The following RBFOX1 variants were observed in gnomAD, a reference collection of about 807,000 sequenced individuals.
The protein encoded by RBFOX1 is RNA binding protein fox-1 homolog 1.
RBFOX1 carries 8 observed loss-of-function variants against 57.7 expected under a neutral mutation model. The observed-to-expected ratio is 0.14, with a 90% CI of 0.08 to 0.25. The LOEUF (loss-of-function observed/expected upper bound fraction) is 0.25. Among genes scored for constraint, RBFOX1 ranks in the 10% least tolerant of loss-of-function variants. RBFOX1 has a pLI of 1.00. For missense variants in RBFOX1, 611 were observed against 548.5 expected (o/e 1.11, Z -1.14); for synonymous variants, 326 against 222.4 (o/e 1.47, Z -4.15).
At chr16:7,574,789 G>C (rs12935179) in intron 5 of RBFOX1, among the ~76,000 whole-genome samples, 1 of 151,848 alleles carries the variant, frequency 6.6e-6, no homozygotes, top group South Asian at 2.1e-4. Flanking sequence ...TTGACACTCA[G>C]TGTTAACCGT....
intron 1 of RBFOX1, among the ~76,000 whole-genome samples, chr16:5,244,182 C>T (rs1051592940): frequency 2.6e-5 from 4 of 152,162 alleles, no homozygotes; most frequent in African/African-American, 4.8e-5. Context: ...CAGGTGTGAG[C>T]CACCATGCTG....
chr16:6,510,892 A>G (rs1006349278), intron 2 of RBFOX1, among the ~76,000 whole-genome samples: 5 of 151,938 alleles, frequency 3.3e-5, no homozygotes, highest in East Asian at 1.9e-4. Context: ...GCCCTCTTTA[A>G]TACTTACTAG....
chr16:7,700,209 C>T (rs773683182), intron 14 of RBFOX1, among the ~76,000 whole-genome samples: 3 of 152,074 alleles, frequency 2.0e-5, no homozygotes, highest in African/African-American at 4.8e-5. Context: ...CTCACTGATC[C>T]CACATAAAAT....
rs56198081 is a variant in RBFOX1, at chr16:7,388,038, G to C, written c.28-130109G>C. The stretch of plus-strand genomic sequence containing the variant: ...AACAAAACAAAATATCCTTTTTTTT[G>C]TTTTGCTTTTTTTTTAATTTAAAGG... On this transcript the variant is annotated intron_variant, in intron 4 of 15. Transcript: ENST00000550418. Among the ~76,000 whole-genome samples, 91 of 151,480 alleles carry C rather than the reference G, an allele frequency of 6.0e-4. 1 individual carries two copies. Among genetic ancestry groups the C allele is most frequent in the Non-Finnish European group, 8.8e-5 (6 of 67,816 alleles).
At chr16:6,814,746 C>T (rs989710360) in intron 3 of RBFOX1, among the ~76,000 whole-genome samples, 1 of 151,908 alleles carries the variant, frequency 6.6e-6, no homozygotes, top group African/African-American at 2.4e-5. Flanking sequence ...AGTCTGGAAC[C>T]CTGGGGGAGA....
chr16:6,309,158 T>G (rs984839064), intron 1 of RBFOX1, among the ~76,000 whole-genome samples: 7 of 152,096 alleles, frequency 4.6e-5, no homozygotes, highest in Non-Finnish European at 8.8e-5. Context: ...AGAAATAATA[T>G]AAACAAACCT....
At chr16:7,456,848 G>A (rs2058613660) in intron 4 of RBFOX1, among the ~76,000 whole-genome samples, 1 of 152,070 alleles carries the variant, frequency 6.6e-6, no homozygotes, top group South Asian at 2.1e-4. Flanking sequence ...CAGCTTGGAG[G>A]AAAGGGCATA....
intron 12 of RBFOX1, among the ~76,000 whole-genome samples, chr16:7,657,412 C>A (rs951852281): frequency 6.6e-6 from 1 of 152,228 alleles, no homozygotes; most frequent in Admixed American, 6.5e-5. Flanking sequence ...TCAAGTGATT[C>A]TCCCACCTCA....
chr16:5,644,107 A>T (rs535438649), intron 3 of RBFOX1, among the ~76,000 whole-genome samples: 1 of 152,310 alleles, frequency 6.6e-6, no homozygotes, highest in Admixed American at 6.5e-5. Flanking sequence ...CCATTAACCA[A>T]ATTAGCAATT....
chr16:6,138,907 C>T (rs945982034), intron 1 of RBFOX1, among the ~76,000 whole-genome samples: 5 of 152,050 alleles, frequency 3.3e-5, no homozygotes, highest in African/African-American at 7.2e-5. Context: ...CAATCACCTT[C>T]GCTATATTTT....
At chr16:5,674,380 G>T (rs1278421913) in intron 3 of RBFOX1, among the ~76,000 whole-genome samples, 1 of 152,164 alleles carries the variant, frequency 6.6e-6, no homozygotes, top group Non-Finnish European at 1.5e-5. Context: ...ATGTCTGTTT[G>T]CAAGTGGGGG....
At chr16:6,087,246 T>A (rs746215538) in intron 1 of RBFOX1, among the ~76,000 whole-genome samples, 1 of 152,210 alleles carries the variant, frequency 6.6e-6, no homozygotes, top group South Asian at 2.1e-4. Flanking sequence ...AACGAAAAGG[T>A]GTTTCCTTAG....
At chr16:5,849,850 G>C (rs1286360516) in intron 3 of RBFOX1, among the ~76,000 whole-genome samples, 1 of 152,108 alleles carries the variant, frequency 6.6e-6, no homozygotes, top group Non-Finnish European at 1.5e-5. Context: ...TTTCCCAAGA[G>C]GCATTCTGTT....
rs114587850 is a variant in RBFOX1, at chr16:6,398,951, C to T, written c.-64+81894C>T. Among the ~76,000 whole-genome samples, 432 of 152,364 alleles carry T rather than the reference C, an allele frequency of 2.8e-3. 2 individuals are homozygous for T. The highest frequency in any genetic ancestry group is 9.2e-3 in the African/African-American group (384 of 41,592). On this transcript the variant is annotated intron_variant, in intron 2 of 15. Transcript: ENST00000550418. Reference sequence around the variant, plus strand: ...CTAGCAGAGGTTCTCCATGAGGATTCTGCCCCAGTAGCAGACTTTTGCCCG... The same window carrying T: ...CTAGCAGAGGTTCTCCATGAGGATTTTGCCCCAGTAGCAGACTTTTGCCCG...
At chr16:6,154,841 A>T (rs1197642678) in intron 1 of RBFOX1, among the ~76,000 whole-genome samples, 1 of 152,220 alleles carries the variant, frequency 6.6e-6, no homozygotes, top group African/African-American at 2.4e-5. Flanking sequence ...TGAATATAAG[A>T]ACAAATACAA....
At chr16:7,649,498 C>G (rs551067490) in intron 11 of RBFOX1, among the ~76,000 whole-genome samples, 1 of 152,168 alleles carries the variant, frequency 6.6e-6, no homozygotes, top group Non-Finnish European at 1.5e-5. Context: ...TTTTTCCTAG[C>G]CTTCACTTAC....
chr16:6,928,736 G>A (rs776224450), intron 3 of RBFOX1, among the ~76,000 whole-genome samples: 2 of 152,072 alleles, frequency 1.3e-5, no homozygotes, highest in Non-Finnish European at 2.9e-5. Flanking sequence ...AATCAATCAC[G>A]GTTGCATATG....
rs541572733 is a variant in RBFOX1 at position 5,740,994 on chromosome 16, G to A, written c.319-126309G>A. 2.1e-4 allele frequency among the ~76,000 whole-genome samples: 32 copies of A among 152,194 alleles called. 2 individuals are homozygous for A. In the South Asian group the frequency reaches 6.2e-3, roughly 30 times the overall value. ...TGGTCCTTAAAATAGGTTAAAGGAG[G>A]CAGGTGGTAAAAAATTAAAAAATGT... On this transcript the variant is annotated intron_variant, in intron 3 of 19. Coordinates refer to the RBFOX1 transcript ENST00000641259.
At chr16:7,482,734 G>A (rs2064315934) in intron 4 of RBFOX1, among the ~76,000 whole-genome samples, 1 of 151,670 alleles carries the variant, frequency 6.6e-6, no homozygotes, top group African/African-American at 2.4e-5. Context: ...TTTCCTTCCT[G>A]GGCGTATTTG....
Sources: allele counts gnomAD v4.1 joint callset (sites outside exome capture counted in the v4.1 genomes callset), GRCh38; gene constraint gnomAD v4.1.1; transcripts MANE v1.5; gene names NCBI Gene and HGNC (gene_info 2026-07-23, HGNC 2026-07-21).